Variants in E2F5 observed in about 807,000 individuals in gnomAD.
The protein encoded by E2F5 is E2F transcription factor 5.
E2F5 carries 23 observed loss-of-function variants against 39.1 expected under a neutral mutation model. That is an observed-to-expected ratio of 0.59 (90% CI 0.42 to 0.83). E2F5 has a LOEUF of 0.83. E2F5 is among the 40% of genes least tolerant of loss of function. The pLI is 0.00. For missense variants in E2F5, 365 were observed against 406.7 expected (o/e 0.90, Z 0.88); for synonymous variants, 145 against 157.8 (o/e 0.92, Z 0.61).
chr8:85,186,498 GGTGTGTGTATGT>G (rs1431824018), intron 1 of E2F5, among the ~76,000 whole-genome samples: 1 of 150,658 alleles, frequency 6.6e-6, no homozygotes, highest in East Asian at 1.9e-4. Flanking sequence ...CAGAACTTAA[GGTGTGTGTATGT>G]GTGTGTGTAT....
At chr8:85,203,555 C>A (rs1211027412) in intron 3 of E2F5, among the ~76,000 whole-genome samples, 2 of 151,928 alleles carry the variant, frequency 1.3e-5, no homozygotes, top group Non-Finnish European at 2.9e-5. Context: ...CTTAGGAAAT[C>A]TGTGAATATT....
Position 85,206,030 on chromosome 8 carries a change from A to T in E2F5, c.507-147A>T, listed in dbSNP as rs555428154. On this transcript the variant is annotated intron_variant, in intron 3 of 7. Transcript: ENST00000416274. The stretch of plus-strand genomic sequence containing the variant: ...GGAACTCCTTTGTCTTTACCTTTCT[A>T]GACTAGACTTCTTTTTTTGTCTGTC... 168 of 699,966 alleles carry T rather than the reference A, an allele frequency of 2.4e-4. 1 individual carries two copies. The highest frequency in any genetic ancestry group is 1.2e-3 in the Admixed American group (42 of 34,108). 43.4% of individuals were successfully genotyped at this position (699,966 alleles called of 1,614,324 possible).
chr8:85,206,023 C>T (rs1267912390), intron 3 of E2F5, 154 bp from the exon 4 acceptor site: 4 of 661,596 alleles, frequency 6.0e-6, no homozygotes, highest in Non-Finnish European at 1.0e-5. Context: ...TTTGTCTTTA[C>T]CTTTCTAGAC....
In E2F5 at chr8:85,213,826, T is replaced by G; in HGVS notation, c.1005T>G (p.Val335=). Residue 335 remains valine, a synonymous_variant, in exon 8 of 8, where the codon GTT becomes GTG. Transcript: ENST00000416274. ...TTAATTTAGATGATAACGAAGGAGT[T>G]TGTGATCTGTTTGATGTCCAGATAC... ...YNFNLDDNEG[V]CDLFDVQILN... 6.2e-7 allele frequency: 1 copy of G among 1,612,684 alleles called. No individual in the cohort carries two copies. The highest frequency in any genetic ancestry group is 1.3e-5 in the African/African-American group (1 of 74,996).
intron 1 of E2F5, among the ~76,000 whole-genome samples, chr8:85,180,658 A>G (rs927108783): frequency 4.2e-5 from 6 of 143,108 alleles, no homozygotes; most frequent in African/African-American, 1.6e-4. Context: ...GCTCACTGCA[A>G]GCTCCGCCTC....
At chr8:85,183,129 G>C (rs1812256324) in intron 1 of E2F5, among the ~76,000 whole-genome samples, 1 of 152,208 alleles carries the variant, frequency 6.6e-6, no homozygotes, top group South Asian at 2.1e-4. Context: ...ACTGGTGCCT[G>C]TAGTCCTAGC....
intron 5 of E2F5, among the ~76,000 whole-genome samples, 158 bp from the exon 6 acceptor site, chr8:85,208,984 C>T (rs539683594): frequency 1.3e-5 from 2 of 152,316 alleles, no homozygotes; most frequent in Admixed American, 1.3e-4. Flanking sequence ...AAATTACATT[C>T]TACTCTATGT....
chr8:85,178,798 C>A (rs893528822), intron 1 of E2F5, among the ~76,000 whole-genome samples: 4 of 152,232 alleles, frequency 2.6e-5, no homozygotes, highest in Non-Finnish European at 4.4e-5. Context: ...AGAGGCCCTC[C>A]TCCAGTGTAG....
intron 1 of E2F5, among the ~76,000 whole-genome samples, chr8:85,186,630 TGGTATATATGTAA>T (rs1266600793): frequency 0.01 from 1,513 of 147,724 alleles, 32 homozygotes; most frequent in African/African-American, 0.036. Flanking sequence ...GGTATATATA[TGGTATATATGTAA>T]GGTATATATG....
At chr8:85,206,465 G>A (rs2129739845) in intron 4 of E2F5, among the ~76,000 whole-genome samples, 1 of 152,300 alleles carries the variant, frequency 6.6e-6, no homozygotes, top group Middle Eastern at 3.4e-3. Context: ...AGGGGAAGGG[G>A]ACAGGGACAG....
intron 1 of E2F5, among the ~76,000 whole-genome samples, chr8:85,180,407 ATT>A (rs1300577020): frequency 6.6e-6 from 1 of 150,564 alleles, no homozygotes; most frequent in African/African-American, 2.4e-5. Context: ...ATAAAGACAC[ATT>A]TTCTCTTGTA....
At chr8:85,209,949 T>C (rs1208302897) in intron 6 of E2F5, among the ~76,000 whole-genome samples, 1 of 152,252 alleles carries the variant, frequency 6.6e-6, no homozygotes, top group Non-Finnish European at 1.5e-5. Context: ...TGATAAATGG[T>C]CTCAACTCCA....
At chr8:85,197,509 T>A (rs1441687171) in intron 1 of E2F5, among the ~76,000 whole-genome samples, 1 of 152,214 alleles carries the variant, frequency 6.6e-6, no homozygotes, top group Non-Finnish European at 1.5e-5. Context: ...GAGCACCTCT[T>A]AGAAGCATTG....
chr8:85,180,228 C>G (rs920241406), intron 1 of E2F5, among the ~76,000 whole-genome samples: 1 of 150,356 alleles, frequency 6.7e-6, no homozygotes, highest in Non-Finnish European at 1.5e-5. Flanking sequence ...ACCATGTTGG[C>G]CAGGCTGGTC....
At chr8:85,178,269 G>T (rs987958237) in intron 1 of E2F5, 2 of 152,094 alleles carry the variant, frequency 1.3e-5, no homozygotes, top group Non-Finnish European at 2.9e-5. Flanking sequence ...GTTAGGAGGG[G>T]TATTTGATTT....
intron 3 of E2F5, among the ~76,000 whole-genome samples, chr8:85,204,492 T>C (rs1812760058): frequency 8.0e-6 from 1 of 124,458 alleles, no homozygotes; most frequent in African/African-American, 3.2e-5. Context: ...AATTGAACAA[T>C]GAGAACACAT....
At chr8:85,205,709 GC>G (rs950313510) in intron 3 of E2F5, among the ~76,000 whole-genome samples, 6 of 152,182 alleles carry the variant, frequency 3.9e-5, no homozygotes, top group African/African-American at 1.4e-4. Context: ...AGCCTGCCTT[GC>G]CTCCCGTCAC....
chr8:85,211,650 T>G (rs1166613501), intron 6 of E2F5, among the ~76,000 whole-genome samples: 8 of 134,632 alleles, frequency 5.9e-5, no homozygotes, highest in East Asian at 4.2e-4. Context: ...GTTGTTTTTT[T>G]TTTTTTTTTT....
intron 3 of E2F5, among the ~76,000 whole-genome samples, chr8:85,203,640 C>T (rs1226909832): frequency 2.0e-5 from 3 of 151,480 alleles, no homozygotes; most frequent in African/African-American, 7.3e-5. Context: ...TTCAGCAGCT[C>T]TCAAAGTTTT....
Sources: gnomAD v4.1 joint callset for allele counts (sites outside exome capture counted in the v4.1 genomes callset) on GRCh38, gnomAD v4.1.1 for gene constraint, MANE v1.5 for transcripts, NCBI Gene and HGNC (gene_info 2026-07-23, HGNC 2026-07-21) for gene names.